ANKRD13B: variants seen among roughly 807,000 people sequenced by gnomAD.
ANKRD13B encodes ankyrin repeat domain 13B, also known as ankyrin repeat domain-containing protein 13B.
A neutral mutation model predicts 74.4 loss-of-function variants in ANKRD13B; 33 were observed. That is an observed-to-expected ratio of 0.44 (90% CI 0.34 to 0.59). The LOEUF is 0.59. ANKRD13B is among the 20% of genes least tolerant of loss of function. ANKRD13B has a pLI of 0.02. For synonymous variants in ANKRD13B, 341 were observed against 362.9 expected (o/e 0.94, Z 0.68); for missense variants, 676 against 877.9 (o/e 0.77, Z 2.91).
chr17:29,613,612 A>G lies in ANKRD13B; in HGVS notation c.*30A>G. On this transcript the variant is annotated 3_prime_UTR_variant, in exon 15 of 15. Coordinates refer to ENST00000394859, the MANE Select transcript of ANKRD13B (RefSeq NM_152345.5). Reference sequence around the variant, plus strand: ...CCCTGCCGGGACCCTCGCCAGCGCCACGCGCGCCACGCCCAGGGCCAGGAG... The same window carrying G: ...CCCTGCCGGGACCCTCGCCAGCGCCGCGCGCGCCACGCCCAGGGCCAGGAG... 2.2e-6 allele frequency: 3 copies of G among 1,395,138 alleles called. No individual in the cohort carries two copies. Among genetic ancestry groups the G allele is most frequent in the Non-Finnish European group, 2.8e-6 (3 of 1,074,242 alleles). The allele number at this position is 1,395,138 out of a possible 1,614,324, so 86.4% of individuals were successfully genotyped here.
rs745521454 is a variant in ANKRD13B, at chr17:29,612,455, G to A, written c.1312G>A (p.Gly438Ser). The change falls in exon 12 of 15, where the codon GGC (glycine) becomes AGC (serine). Residue 438 changes from glycine to serine, a missense_variant. By Grantham distance (56) the Gly-to-Ser change is moderately conservative. Transcript: ENST00000394859. The surrounding 1 kb of genome is among the most constrained non-coding windows in gnomAD (Gnocchi z 6.1). ...NARITFGNLN[G>S]CDEPVPSVRG... ...CCGCATCACCTTCGGGAACCTCAAC[G>A]GCTGCGACGAACCGGTGCCATCGGT... 6 of 1,606,968 alleles carry A rather than the reference G, an allele frequency of 3.7e-6. No homozygotes were observed. Among genetic ancestry groups the A allele is most frequent in the Non-Finnish European group, 5.1e-6 (6 of 1,176,756 alleles).
intron 1 of ANKRD13B, among the ~76,000 whole-genome samples, chr17:29,598,538 C>G (rs2034040882): frequency 1.7e-5 from 2 of 115,914 alleles, no homozygotes; most frequent in Admixed American, 2.1e-4. Flanking sequence ...CTTTCTCTTT[C>G]TTTCTTCTTC....
intron 1 of ANKRD13B, among the ~76,000 whole-genome samples, chr17:29,595,143 G>A (rs1241625257): frequency 6.6e-6 from 1 of 152,210 alleles, no homozygotes; most frequent in Non-Finnish European, 1.5e-5. Flanking sequence ...CTGCAGCCAC[G>A]AGAAGCCTGT....
chr17:29,602,394 CA>C (rs61476683), intron 1 of ANKRD13B, among the ~76,000 whole-genome samples: 174 of 117,438 alleles, frequency 1.5e-3, no homozygotes, highest in Middle Eastern at 0.013. Context: ...GATTCCATCT[CA>C]AAAAAAAAAA....
chr17:29,609,479 A>T lies in ANKRD13B; in HGVS notation c.822+58A>T. 1 of 1,593,958 alleles carries T rather than the reference A, an allele frequency of 6.3e-7. No homozygotes were observed. Among genetic ancestry groups the T allele is most frequent in the Non-Finnish European group, 8.6e-7 (1 of 1,166,384 alleles). ...TGCACTCTTGCCTACAGCAAGCTGT[A>T]CAGGGGATTCTGACCTCCCTTCCCC... On this transcript the variant is annotated intron_variant, in intron 7 of 14. Coordinates refer to ENST00000394859, the MANE Select transcript of ANKRD13B (RefSeq NM_152345.5). This position sits in a 1 kb window ranked among gnomAD's most constrained non-coding sequence, Gnocchi z 4.0.
rs766420136 is a variant in ANKRD13B at position 29,597,848 on chromosome 17, G to A, written c.114+4113G>A. 4.6e-5 allele frequency among the ~76,000 whole-genome samples: 7 copies of A among 152,212 alleles called. No homozygotes were observed. The East Asian group carries it at 5.8e-4, about 13-fold the overall frequency. On this transcript the variant is annotated intron_variant, in intron 1 of 14. Coordinates refer to ENST00000394859, the MANE Select transcript of ANKRD13B (RefSeq NM_152345.5). ...GCTCCTGAGGTGTGGGGATGGGGAG[G>A]AGCACCCTGCTTGCAAGGAAGTGCC...
chr17:29,603,326 C>T (rs770252850), intron 1 of ANKRD13B, among the ~76,000 whole-genome samples: 7 of 152,148 alleles, frequency 4.6e-5, no homozygotes, highest in Non-Finnish European at 7.4e-5. Flanking sequence ...ACTGCAGCCT[C>T]GAACTCCTGG....
In ANKRD13B at chr17:29,609,124, C is replaced by G. The variant is rs1045269598; in HGVS notation, c.604C>G (p.Arg202Gly). 6.2e-7 allele frequency: 1 copy of G among 1,611,612 alleles called. No homozygotes were observed. Among genetic ancestry groups the G allele is most frequent in the East Asian group, 2.2e-5 (1 of 44,886 alleles). ...AVVMEIDHDR[R>G]VVYTETLALA... ...GGTCATGGAGATTGACCACGACCGCCGGGTGGTGTACACAGAGACTCTGGC... is the reference window on the plus strand; with the variant it reads ...GGTCATGGAGATTGACCACGACCGCGGGGTGGTGTACACAGAGACTCTGGC... The change falls in exon 6 of 15, where the codon CGG (arginine) becomes GGG (glycine). Residue 202 changes from arginine to glycine, a missense_variant. This residue lies in a region of ANKRD13B where 328 missense variants were observed against 518.4 expected (regional missense o/e 0.63). Transcript: ENST00000394859. This position sits in a 1 kb window ranked among gnomAD's most constrained non-coding sequence, Gnocchi z 4.0.
At position 29,593,159 on chromosome 17, in the gene ANKRD13B, G is replaced by A. The variant is rs2033826951; in HGVS notation, c.-463G>A. On this transcript the variant is annotated 5_prime_UTR_variant, in exon 1 of 15. Coordinates refer to ENST00000394859, the MANE Select transcript of ANKRD13B (RefSeq NM_152345.5). ...CTCTCCCCATCATCCCCACATCCCC[G>A]TATCCCGCGCCGGCCGCTCGGGCTG... 6.6e-6 allele frequency among the ~76,000 whole-genome samples: 1 copy of A among 151,796 alleles called. No homozygotes were observed. The highest frequency in any genetic ancestry group is 2.4e-5 in the African/African-American group (1 of 41,372).
At chr17:29,610,199 A>G (rs2150900158) in intron 7 of ANKRD13B, among the ~76,000 whole-genome samples, 1 of 151,852 alleles carries the variant, frequency 6.6e-6, no homozygotes, top group South Asian at 2.1e-4. Flanking sequence ...CTAAAAAAAA[A>G]AAAAAAAAAA....
At chr17:29,597,177 A>G (rs1257775586) in intron 1 of ANKRD13B, among the ~76,000 whole-genome samples, 4 of 152,176 alleles carry the variant, frequency 2.6e-5, no homozygotes, top group South Asian at 2.1e-4. Context: ...TAGTCCATAC[A>G]TGAGATGTAT....
Position 29,611,695 on chromosome 17 carries a change from G to C in ANKRD13B, c.969+52G>C. The C allele has an allele frequency of 6.2e-7, 1 of 1,603,344 alleles. No homozygotes were observed. The highest frequency in any genetic ancestry group is 8.5e-7 in the Non-Finnish European group (1 of 1,170,388). On this transcript the variant is annotated intron_variant, in intron 9 of 14. Coordinates refer to ENST00000394859, the MANE Select transcript of ANKRD13B (RefSeq NM_152345.5). The surrounding 1 kb of genome is among the most constrained non-coding windows in gnomAD (Gnocchi z 4.3). ...GTGGAGGGATGTGGATGTGGCTCAG[G>C]AGGAGGCTTGGGAAGCGTCCTGCTT...
chr17:29,598,222 T>C (rs1038784409), intron 1 of ANKRD13B, among the ~76,000 whole-genome samples: 3 of 152,212 alleles, frequency 2.0e-5, no homozygotes, highest in South Asian at 4.1e-4. Context: ...GCTGGTTTTT[T>C]TGAGGCTCCC....
intron 1 of ANKRD13B, among the ~76,000 whole-genome samples, chr17:29,597,622 G>C (rs531250057): frequency 2.8e-3 from 427 of 152,270 alleles, no homozygotes; most frequent in Non-Finnish European, 4.3e-3. Context: ...TAAATAGCTA[G>C]AGGCCTCTGC....
chr17:29,606,828 C>T (rs1199262959), intron 1 of ANKRD13B, among the ~76,000 whole-genome samples: 2 of 150,842 alleles, frequency 1.3e-5, no homozygotes, highest in East Asian at 3.9e-4. Context: ...CCAGGTGGAT[C>T]ACCTGAGGTC....
At position 29,608,313 on chromosome 17, in the gene ANKRD13B, G is replaced by A; in HGVS notation, c.421+73G>A. ...CTGCGCTTGCTCCCCTGCCTGGAATGTGTTCTCATAGTTCTTCCGGCGGTT... is the reference window on the plus strand; with the variant it reads ...CTGCGCTTGCTCCCCTGCCTGGAATATGTTCTCATAGTTCTTCCGGCGGTT... On this transcript the variant is annotated intron_variant, in intron 4 of 14. Coordinates refer to ENST00000394859, the MANE Select transcript of ANKRD13B (RefSeq NM_152345.5). This position sits in a 1 kb window ranked among gnomAD's most constrained non-coding sequence, Gnocchi z 6.4. 2 of 1,594,906 alleles carry A rather than the reference G, an allele frequency of 1.3e-6. No homozygotes were observed. The highest frequency in any genetic ancestry group is 1.7e-6 in the Non-Finnish European group (2 of 1,166,310).
Position 29,608,854 on chromosome 17 carries a change from C to T in ANKRD13B, c.425C>T (p.Pro142Leu). The T allele has an allele frequency of 6.2e-7, 1 of 1,614,094 alleles. No homozygotes were observed. Among genetic ancestry groups the T allele is most frequent in the Non-Finnish European group, 8.5e-7 (1 of 1,180,016 alleles). The change falls in exon 5 of 15, where the codon CCC (proline) becomes CTC (leucine). Residue 142 changes from proline to leucine, a missense_variant. This residue lies in a region of ANKRD13B where 328 missense variants were observed against 518.4 expected (regional missense o/e 0.63). Transcript: ENST00000394859. The surrounding 1 kb of genome is among the most constrained non-coding windows in gnomAD (Gnocchi z 6.4). ...CTCCAACCTCCGCTTCCACCAGTGCCCCTGGTGTCCAAGATCTGCCCTAGT... is the reference window on the plus strand; with the variant it reads ...CTCCAACCTCCGCTTCCACCAGTGCTCCTGGTGTCCAAGATCTGCCCTAGT... ...EMKWEFTSWV[P>L]LVSKICPSDT... is the part of the protein sequence containing the mutation.
intron 1 of ANKRD13B, among the ~76,000 whole-genome samples, chr17:29,596,617 T>A (rs1598594664): frequency 6.6e-6 from 1 of 152,196 alleles, no homozygotes; most frequent in Non-Finnish European, 1.5e-5. Context: ...GGGCAGATTG[T>A]GGTCCCAGAG....
rs746995710 is a variant in ANKRD13B, at chr17:29,607,798, G to A, written c.171G>A (p.Thr57=). The A allele has an allele frequency of 2.4e-5, 38 of 1,603,682 alleles. No homozygotes were observed. The highest frequency in any genetic ancestry group is 2.9e-5 in the Non-Finnish European group (34 of 1,179,818). The part of the protein sequence containing the change: ...RGRTPLHLAT[T]LGHLECARVL... ...GGACTCCCCTGCACCTGGCCACCAC[G>A]CTGGGGCACCTTGAGTGTGCCCGTG... Residue 57 remains threonine (T), a synonymous_variant, in exon 2 of 15, where the codon ACG becomes ACA. Coordinates refer to ENST00000394859, the MANE Select transcript of ANKRD13B (RefSeq NM_152345.5).
Sources: gnomAD v4.1 joint callset for allele counts (sites outside exome capture counted in the v4.1 genomes callset) on GRCh38, gnomAD v4.1.1 for gene constraint, gnomAD v4.1.1 regional missense constraint, Gnocchi (gnomAD v3.1) non-coding constraint, MANE v1.5 for transcripts, NCBI Gene and HGNC (gene_info 2026-07-23, HGNC 2026-07-21) for gene names.